PLXNA4: variants seen among roughly 807,000 people sequenced by gnomAD.
The protein encoded by PLXNA4 is plexin-A4.
A neutral mutation model predicts 191.8 loss-of-function variants in PLXNA4; 44 were observed. The observed-to-expected ratio is 0.23, with a 90% CI of 0.18 to 0.29. PLXNA4 has a LOEUF of 0.29. PLXNA4 is among the 10% of genes least tolerant of loss of function. PLXNA4 has a pLI of 1.00. For missense variants in PLXNA4, 1,800 were observed against 2,488.8 expected, an observed-to-expected ratio of 0.72 and a Z score of 5.89; for synonymous variants, 1,082 against 1,009.5, an observed-to-expected ratio of 1.07 and a Z score of -1.36.
chr7:132,429,189 C>T (rs1795170814), intron 3 of PLXNA4, among the ~76,000 whole-genome samples: 1 of 152,128 alleles, frequency 6.6e-6, no homozygotes, highest in Admixed American at 6.5e-5. Flanking sequence ...AGGTCTTGCC[C>T]CAAGCCAACA....
intron 3 of PLXNA4, among the ~76,000 whole-genome samples, chr7:132,397,307 G>A (rs543131852): frequency 2.0e-5 from 3 of 152,148 alleles, no homozygotes; most frequent in African/African-American, 4.8e-5. Flanking sequence ...AAGCACCACC[G>A]TCACTCGAGC....
At chr7:132,576,922 C>A (rs922561638), upstream of PLXNA4, 1 of 149,672 alleles carries the variant, frequency 6.7e-6, no homozygotes, top group African/African-American at 2.4e-5. The surrounding 1 kb of genome is among the most constrained non-coding windows in gnomAD (Gnocchi z 5.8). Context: ...CGCGGGGGAC[C>A]CGCCGGGGAG....
intron 3 of PLXNA4, among the ~76,000 whole-genome samples, chr7:132,336,595 G>A (rs1299398148): frequency 2.6e-5 from 4 of 152,162 alleles, no homozygotes; most frequent in Admixed American, 2.0e-4. Flanking sequence ...CATCTACTAT[G>A]TGCTAGGTGC....
intron 8 of PLXNA4, among the ~76,000 whole-genome samples, chr7:132,225,102 T>C (rs1798272221): frequency 6.6e-6 from 1 of 152,276 alleles, no homozygotes; most frequent in South Asian, 2.1e-4. Flanking sequence ...CTATTCTGTA[T>C]ATTGGGCATC....
intron 2 of PLXNA4, among the ~76,000 whole-genome samples, 185 bp downstream of exon 2, chr7:132,507,321 A>G (rs1321224546): frequency 9.2e-5 from 14 of 152,186 alleles, no homozygotes; most frequent in Non-Finnish European, 8.8e-5. Context: ...ACTCTTATAC[A>G]TTCAATGTCA....
intron 1 of PLXNA4, among the ~76,000 whole-genome samples, chr7:132,515,156 A>G (rs1294896735): frequency 6.6e-6 from 1 of 152,190 alleles, no homozygotes; most frequent in Non-Finnish European, 1.5e-5. Context: ...ACCAGATGTA[A>G]CCTTGGAGAG....
At chr7:132,368,466 C>G (rs1804285472) in intron 3 of PLXNA4, among the ~76,000 whole-genome samples, 1 of 152,144 alleles carries the variant, frequency 6.6e-6, no homozygotes, top group Non-Finnish European at 1.5e-5. Flanking sequence ...CTGTCTGAGC[C>G]TAAGCCCAGC....
At chr7:132,165,525 A>C (rs1796097085) in intron 22 of PLXNA4, among the ~76,000 whole-genome samples, 1 of 151,974 alleles carries the variant, frequency 6.6e-6, no homozygotes, top group African/African-American at 2.4e-5. Context: ...TACCTGTGCC[A>C]TCTAATATGG....
chr7:132,224,253 C>A (rs1017101524), intron 8 of PLXNA4, among the ~76,000 whole-genome samples: 1 of 152,188 alleles, frequency 6.6e-6, no homozygotes, highest in Non-Finnish European at 1.5e-5. Context: ...GTATAGATGA[C>A]CACTGCCCCC....
intron 2 of PLXNA4, among the ~76,000 whole-genome samples, chr7:132,637,808 G>A (rs1803639104): frequency 6.6e-6 from 1 of 152,184 alleles, no homozygotes; most frequent in Non-Finnish European, 1.5e-5. Context: ...TCTCCTATGG[G>A]CTGACTACAG....
intron 5 of PLXNA4, among the ~76,000 whole-genome samples, chr7:132,230,883 T>A (rs949576497): frequency 4.4e-4 from 67 of 152,336 alleles, no homozygotes; most frequent in Middle Eastern, 3.4e-3. Context: ...AAACATCACC[T>A]GGAGTTACCA....
At chr7:132,621,858 G>T (rs539404815) in intron 2 of PLXNA4, among the ~76,000 whole-genome samples, 1 of 152,142 alleles carries the variant, frequency 6.6e-6, no homozygotes, top group Non-Finnish European at 1.5e-5. Context: ...GTTTTATTTT[G>T]CCCAGGAGTA....
At chr7:132,511,323 G>T (rs1347492315) in intron 1 of PLXNA4, among the ~76,000 whole-genome samples, 1 of 152,200 alleles carries the variant, frequency 6.6e-6, no homozygotes, top group Non-Finnish European at 1.5e-5. Context: ...AGCTCTGCAA[G>T]GACACTGGTT....
chr7:132,430,538 T>C (rs1309128495), intron 3 of PLXNA4, among the ~76,000 whole-genome samples: 1 of 152,106 alleles, frequency 6.6e-6, no homozygotes, highest in Admixed American at 6.5e-5. Context: ...GATTAGGGTA[T>C]GCACAGTTGG....
At chr7:132,389,252 G>A (rs1271933759) in intron 3 of PLXNA4, among the ~76,000 whole-genome samples, 3 of 152,320 alleles carry the variant, frequency 2.0e-5, no homozygotes, top group Non-Finnish European at 4.4e-5. Flanking sequence ...TTGCTGTGCA[G>A]AAGCTCTTTG....
At chr7:132,305,406 A>ACACACACACACACACACT (rs1491312866) in intron 3 of PLXNA4, among the ~76,000 whole-genome samples, 1 of 140,160 alleles carries the variant, frequency 7.1e-6, no homozygotes, top group African/African-American at 2.7e-5. Context: ...ACACACACAC[A>ACACACACACACACACACT]CTCTACTCTG....
intron 3 of PLXNA4, among the ~76,000 whole-genome samples, chr7:132,307,564 C>T (rs75978848): frequency 1.6e-5 from 1 of 61,830 alleles, no homozygotes; most frequent in East Asian, 3.9e-4. Flanking sequence ...GTGAGGGAAC[C>T]AGTTAGGGGC....
At position 132,132,427 on chromosome 7, in the gene PLXNA4, G is replaced by A. The variant is rs147920646; in HGVS notation, c.5589+622C>T. Reference sequence around the variant, plus strand: ...GTTCTGTTCTGTTCTGTTCTGTTCTGTTCTGTTCTGTTCTGTTCTGTTCTG... The same window carrying A: ...GTTCTGTTCTGTTCTGTTCTGTTCTATTCTGTTCTGTTCTGTTCTGTTCTG... On this transcript the variant is annotated intron_variant, in intron 31 of 31. Coordinates refer to ENST00000321063, the MANE Select transcript of PLXNA4 (RefSeq NM_020911.2). Among the ~76,000 whole-genome samples, 654 of 79,098 alleles carry A rather than the reference G, an allele frequency of 8.3e-3. 13 individuals are homozygous for A. Among genetic ancestry groups the A allele is most frequent in the Middle Eastern group, 0.032 (5 of 158 alleles). The allele number at this position is 79,098 out of a possible 152,430, so 51.9% of individuals were successfully genotyped here. A position where few individuals can be genotyped will look rare whatever the true frequency, so the allele number is the denominator to read the frequency against.
chr7:132,383,508 T>C, intron 3 of PLXNA4: 1 of 934,222 alleles, frequency 1.1e-6, no homozygotes, highest in Non-Finnish European at 1.3e-6. Flanking sequence ...TGGTTCTCTT[T>C]CCAGTTTTTA....
Sources: gnomAD v4.1 joint callset for allele counts (sites outside exome capture counted in the v4.1 genomes callset) on GRCh38, gnomAD v4.1.1 for gene constraint, Gnocchi (gnomAD v3.1) non-coding constraint, MANE v1.5 for transcripts, NCBI Gene and HGNC (gene_info 2026-07-23, HGNC 2026-07-21) for gene names.